GGA3: variants seen among roughly 807,000 people sequenced by gnomAD.
GGA3 encodes golgi associated, gamma adaptin ear containing, ARF binding protein 3, also known as ADP-ribosylation factor-binding protein GGA3.
Under a neutral mutation model 77.5 loss-of-function variants are expected in GGA3, and 57 were observed. The ratio of observed to expected loss-of-function variants is 0.74; its 90% CI spans 0.59 to 0.92. GGA3 has a LOEUF of 0.92. Ranked by LOEUF, GGA3 falls within the 40% of genes least tolerant of loss-of-function variation. GGA3 has a pLI of 0.00. For synonymous variants in GGA3, 416 were observed against 383.7 expected (o/e 1.08, Z -0.98); for missense variants, 970 against 914.9 (o/e 1.06, Z -0.78).
chr17:75,246,171 G>T (rs779492874), intron 3 of GGA3, among the ~76,000 whole-genome samples: 3 of 152,184 alleles, frequency 2.0e-5, no homozygotes, highest in Non-Finnish European at 4.4e-5. Flanking sequence ...TATCAACACA[G>T]CCCTGTCAGC....
intron 4 of GGA3, chr17:75,244,356 A>C: frequency 2.4e-6 from 1 of 411,218 alleles, no homozygotes; most frequent in Non-Finnish European, 4.5e-6. Context: ...GTCCCACACT[A>C]CATGGGCCCT....
chr17:75,256,621 A>AG (rs1262065736), intron 1 of GGA3, among the ~76,000 whole-genome samples: 1 of 152,178 alleles, frequency 6.6e-6, no homozygotes, highest in African/African-American at 2.4e-5. Flanking sequence ...ACAAGCCACT[A>AG]GCCCGCCTCT....
intron 7 of GGA3, 83 bp downstream of exon 7, chr17:75,242,748 G>A: frequency 1.7e-6 from 2 of 1,199,678 alleles, no homozygotes; most frequent in Non-Finnish European, 2.5e-6. Context: ...GAACAAAACA[G>A]GCCCGTGTCC....
chr17:75,239,275 C>A (rs1196277885), intron 14 of GGA3, 100 bp downstream of exon 14: 1 of 1,120,322 alleles, frequency 8.9e-7, no homozygotes, highest in East Asian at 2.5e-5. Flanking sequence ...CTTTAAGGGA[C>A]CCCCTGCAAA....
In GGA3 at chr17:75,238,692, G is replaced by C. The variant is rs1371848096; in HGVS notation, c.2021C>G (p.Ala674Gly). ...CAGCAACATGACCTGGGTGATGGCTGCAGGTGGCTGGATGGGGCTAAATGG... is the reference window on the plus strand; with the variant it reads ...CAGCAACATGACCTGGGTGATGGCTCCAGGTGGCTGGATGGGGCTAAATGG... ...LSPFSPIQPPAAITQVMLLAN... is the reference protein window; with the variant it reads ...LSPFSPIQPPGAITQVMLLAN... Residue 674 changes from alanine (A) to glycine (G), a missense_variant, in exon 16 of 17, where the codon GCA becomes GGA. Transcript: ENST00000537686. 2 of 1,613,974 alleles carry C rather than the reference G, an allele frequency of 1.2e-6. No homozygotes were observed. The highest frequency in any genetic ancestry group is 1.7e-5 in the Admixed American group (1 of 60,010).
rs36073102 is a variant in GGA3, at chr17:75,240,070, C to A, written c.1302G>T (p.Pro434=). The A allele has an allele frequency of 7.4e-7, 1 of 1,359,196 alleles. No homozygotes were observed. The highest frequency in any genetic ancestry group is 4.3e-5 in the East Asian group (1 of 23,416). 84.2% of individuals were successfully genotyped at this position (1,359,196 alleles called of 1,614,324 possible). A position where few individuals can be genotyped will look rare whatever the true frequency, so the allele number is the denominator to read the frequency against. ...CGGAGGCGCCACAGGCAGCGGTCCCCGGCCTGGGGCTGAAGAAGTCCAGGT... is the reference window on the plus strand; with the variant it reads ...CGGAGGCGCCACAGGCAGCGGTCCCAGGCCTGGGGCTGAAGAAGTCCAGGT... ...QSDLDFFSPR[P]GTAACGASDA... The change falls in exon 13 of 17, where the codon CCG becomes CCT. Residue 434 remains proline, a synonymous_variant. Coordinates refer to ENST00000537686, the MANE Select transcript of GGA3 (RefSeq NM_138619.4).
intron 14 of GGA3, 124 bp downstream of exon 14, chr17:75,239,251 G>A (rs541170672): frequency 4.0e-6 from 4 of 988,120 alleles, no homozygotes; most frequent in South Asian, 1.7e-5. Flanking sequence ...ATGCAGGCAG[G>A]GAGGCCTGCC....
At chr17:75,243,385 C>G in intron 5 of GGA3, 62 bp downstream of exon 5, 1 of 1,602,518 alleles carries the variant, frequency 6.2e-7, no homozygotes, top group African/African-American at 1.3e-5. Flanking sequence ...ACCTTCCCTT[C>G]TCTCCTTGCC....
rs760066931 is a variant in GGA3 at position 75,241,073 on chromosome 17, G to A, written c.947-16C>T. ...TGACTGTTTCCTGGATGGGTCAACA[G>A]AGCAGAACAGGAATAATTAGGGGTC... On this transcript the variant is annotated splice_polypyrimidine_tract_variant and intron_variant, in intron 10 of 16. Coordinates refer to ENST00000537686, the MANE Select transcript of GGA3 (RefSeq NM_138619.4). 6.2e-7 allele frequency: 1 copy of A among 1,613,908 alleles called. No individual in the cohort carries two copies.
At chr17:75,261,877 G>C (rs755858487), upstream of GGA3, 3 of 1,605,396 alleles carry the variant, frequency 1.9e-6, no homozygotes, top group Admixed American at 3.4e-5. Flanking sequence ...GGCAGTCCTT[G>C]TGGGGTCCTC....
intron 4 of GGA3, 88 bp downstream of exon 4, chr17:75,244,531 T>C (rs753059030): frequency 4.2e-5 from 35 of 833,290 alleles, no homozygotes; most frequent in Middle Eastern, 2.2e-4. Context: ...CCTGGAGATG[T>C]TGGATGGGCA....
chr17:75,253,650 C>G (rs1352727760), intron 1 of GGA3, among the ~76,000 whole-genome samples: 1 of 152,222 alleles, frequency 6.6e-6, no homozygotes, highest in Non-Finnish European at 1.5e-5. Flanking sequence ...GGGCAAGAAC[C>G]CCCAATCCCT....
At chr17:75,240,596 G>C in intron 11 of GGA3, 184 bp from the exon 12 acceptor site, 1 of 662,900 alleles carries the variant, frequency 1.5e-6, no homozygotes, top group Non-Finnish European at 2.6e-6. Flanking sequence ...GAAGCGGGGG[G>C]CCTGTGGGGC....
Position 75,239,086 on chromosome 17 carries a change from GT to G in GGA3, c.1781-4del. 6.2e-7 allele frequency: 1 copy of G among 1,611,564 alleles called. No homozygotes were observed. Among genetic ancestry groups the G allele is most frequent in the South Asian group, 1.1e-5 (1 of 90,958 alleles). On this transcript the variant is annotated splice_region_variant and splice_polypyrimidine_tract_variant and intron_variant, in intron 14 of 16. Coordinates refer to ENST00000537686, the MANE Select transcript of GGA3 (RefSeq NM_138619.4). ...GGCTGTCACAGGAAGGGCACTGCCT[GT>G]AAGAACGTGACGTGAGTGTGGGAGG...
Position 75,239,433 on chromosome 17 carries a change from C to G in GGA3, c.1722G>C (p.Pro574=). 3.2e-6 allele frequency: 5 copies of G among 1,578,114 alleles called. No homozygotes were observed. The highest frequency in any genetic ancestry group is 2.1e-5 in the Admixed American group (1 of 47,184). The change falls in exon 14 of 17, where the codon CCG becomes CCC. Residue 574 remains proline, a synonymous_variant. Transcript: ENST00000537686. ...TGGCCAGGGAGAGCTCAGGCCCCTT[C>G]GGGGGGCTGCCCTGGGACTGGAAAC... ...PLSFQSQGSP[P]KGPELSLASI...
intron 1 of GGA3, among the ~76,000 whole-genome samples, chr17:75,257,964 A>C (rs1247561233): frequency 2.0e-5 from 3 of 152,138 alleles, no homozygotes; most frequent in African/African-American, 2.4e-5. Flanking sequence ...AATAGCCTTA[A>C]CTGATGACAT....
At chr17:75,246,866 G>A (rs554385175) in intron 1 of GGA3, 70 bp from the exon 2 acceptor site, 32 of 1,230,064 alleles carry the variant, frequency 2.6e-5, no homozygotes, top group African/African-American at 1.8e-4. Context: ...GGTTTTCTTC[G>A]CAAGTTTTAA....
rs1326230372 is a variant in GGA3, at chr17:75,248,815, AC to A, written c.41-2020del. ...AAAAACAAAAACAAAAACAAAAAAA[AC>A]AAAACAAAAAAAAAAAAACTCACCA... On this transcript the variant is annotated intron_variant, in intron 1 of 16. Transcript: ENST00000537686. 9.1e-4 allele frequency: 728 copies of A among 803,822 alleles called. 11 individuals are homozygous for A. The highest frequency in any genetic ancestry group is 2.3e-3 in the Admixed American group (7 of 3,104). 49.8% of individuals were successfully genotyped at this position (803,822 alleles called of 1,614,324 possible). A position where few individuals can be genotyped will look rare whatever the true frequency, so the allele number is the denominator to read the frequency against.
intron 14 of GGA3, 37 bp from the exon 15 acceptor site, chr17:75,239,120 C>A (rs1394535410): frequency 3.2e-6 from 5 of 1,586,086 alleles, no homozygotes; most frequent in South Asian, 1.1e-5. Context: ...AGGAGCAGCA[C>A]CAGAGACACC....
Sources: gnomAD v4.1 joint callset for allele counts (sites outside exome capture counted in the v4.1 genomes callset) on GRCh38, gnomAD v4.1.1 for gene constraint, MANE v1.5 for transcripts, NCBI Gene and HGNC (gene_info 2026-07-23, HGNC 2026-07-21) for gene names.